KIRREL3: variants seen among roughly 807,000 people sequenced by gnomAD.
KIRREL3 encodes kirre like nephrin family adhesion molecule 3.
In KIRREL3, 36 loss-of-function variants were observed where a neutral mutation model predicts 89.7. That is an observed-to-expected ratio of 0.40 (90% CI 0.31 to 0.53). The LOEUF (loss-of-function observed/expected upper bound fraction) is 0.53, where lower values mean the gene tolerates loss of function less well. Among genes scored for constraint, KIRREL3 ranks in the 20% least tolerant of loss-of-function variants. The pLI is 0.49. For synonymous variants in KIRREL3, 445 were observed against 441.4 expected, an observed-to-expected ratio of 1.01 and a Z score of -0.10; for missense variants, 864 against 1,056.6, an observed-to-expected ratio of 0.82 and a Z score of 2.53.
In KIRREL3 at chr11:126,780,451, T is replaced by C. The variant is rs1015880795; in HGVS notation, c.56-217539A>G. Among the ~76,000 whole-genome samples the C allele has an allele frequency of 3.3e-5, 5 of 152,230 alleles. No individual in the cohort carries two copies. Among genetic ancestry groups the C allele is most frequent in the Admixed American group, 6.5e-5 (1 of 15,286 alleles). On this transcript the variant is annotated intron_variant, in intron 1 of 16. Coordinates refer to ENST00000525144, the MANE Select transcript of KIRREL3 (RefSeq NM_032531.4). The surrounding 1 kb of genome is among the most constrained non-coding windows in gnomAD (Gnocchi z 5.3). ...CATCCCTTCTATCTCACTTACCTGA[T>C]GTGGAACATATGCTGGGATCAGAAT...
intron 1 of KIRREL3, among the ~76,000 whole-genome samples, chr11:126,631,253 C>G (rs1313830536): frequency 3.3e-5 from 5 of 152,128 alleles, no homozygotes; most frequent in Non-Finnish European, 5.9e-5. Context: ...CTCTAGTGTT[C>G]ACTGTTACTG....
rs1943003679 is a variant in KIRREL3 at position 126,608,888 on chromosome 11, A to G, written c.56-45976T>C. Among the ~76,000 whole-genome samples the G allele has an allele frequency of 6.6e-6, 1 of 152,016 alleles. No individual in the cohort carries two copies. The highest frequency in any genetic ancestry group is 1.5e-5 in the Non-Finnish European group (1 of 68,018). On this transcript the variant is annotated intron_variant, in intron 1 of 16. Coordinates refer to ENST00000525144, the MANE Select transcript of KIRREL3 (RefSeq NM_032531.4). The surrounding 1 kb of genome is among the most constrained non-coding windows in gnomAD (Gnocchi z 4.9). ...TATGTCCAGGACAGGAGGGGAGGGG[A>G]TGGAGAAGCAGCTCTGGAGCCCAGC...
Position 126,754,586 on chromosome 11 carries a change from A to G in KIRREL3, c.56-191674T>C, listed in dbSNP as rs1489443015. On this transcript the variant is annotated intron_variant, in intron 1 of 16. Transcript: ENST00000525144. The surrounding 1 kb of genome is among the most constrained non-coding windows in gnomAD (Gnocchi z 5.1). Reference sequence around the variant, plus strand: ...GGGATCGTCTGCGAAGAAAGAATAGAGATACGAGATAAATTAAAGGGATCA... The same window carrying G: ...GGGATCGTCTGCGAAGAAAGAATAGGGATACGAGATAAATTAAAGGGATCA... 6.6e-6 allele frequency among the ~76,000 whole-genome samples: 1 copy of G among 151,984 alleles called. No homozygotes were observed. Among genetic ancestry groups the G allele is most frequent in the Non-Finnish European group, 1.5e-5 (1 of 68,006 alleles).
rs746680134 is a variant in KIRREL3 at position 126,710,935 on chromosome 11, G to A, written c.56-148023C>T. 2.6e-5 allele frequency among the ~76,000 whole-genome samples: 4 copies of A among 152,184 alleles called. No individual in the cohort carries two copies. Among genetic ancestry groups the A allele is most frequent in the Non-Finnish European group, 4.4e-5 (3 of 68,046 alleles). ...AACCTGATAGGCCTCTTCACAATGT[G>A]CAGGCTGTGATGAGGATGGTGGCTG... is the stretch of plus-strand genomic sequence containing the variant. On this transcript the variant is annotated intron_variant, in intron 1 of 16. Transcript: ENST00000525144. The surrounding 1 kb of genome is among the most constrained non-coding windows in gnomAD (Gnocchi z 4.2).
chr11:126,533,607 C>T (rs934098992), intron 2 of KIRREL3, among the ~76,000 whole-genome samples: 16 of 152,208 alleles, frequency 1.1e-4, no homozygotes, highest in Non-Finnish European at 2.2e-4. Context: ...CCTTGACCCT[C>T]ACAACCACAT....
rs1447708060 is a variant in KIRREL3 at position 126,996,514 on chromosome 11, T to C, written c.55+3941A>G. On this transcript the variant is annotated intron_variant, in intron 1 of 16. Transcript: ENST00000525144. This position sits in a 1 kb window ranked among gnomAD's most constrained non-coding sequence, Gnocchi z 4.7. ...CCTTGCTAGTTCAAGCCTCTTGAAG[T>C]GGCTCCTCCTTTTCCATGCTTCTTG... is the stretch of plus-strand genomic sequence containing the variant. Among the ~76,000 whole-genome samples, 1 of 152,200 alleles carries C rather than the reference T, an allele frequency of 6.6e-6. No individual in the cohort carries two copies. The highest frequency in any genetic ancestry group is 1.5e-5 in the Non-Finnish European group (1 of 68,048).
intron 1 of KIRREL3, among the ~76,000 whole-genome samples, chr11:126,863,969 T>C (rs1178878340): frequency 6.6e-6 from 1 of 152,224 alleles, no homozygotes; most frequent in Non-Finnish European, 1.5e-5. Context: ...GGCTACACCA[T>C]GTGTTAACCC....
chr11:126,847,122 A>G (rs1944173830), intron 1 of KIRREL3, among the ~76,000 whole-genome samples: 2 of 152,194 alleles, frequency 1.3e-5, no homozygotes, highest in South Asian at 4.1e-4. Context: ...TTTAACAGTA[A>G]TAGTATACCA....
intron 1 of KIRREL3, among the ~76,000 whole-genome samples, chr11:126,759,043 C>A (rs1286641451): frequency 6.6e-6 from 1 of 152,174 alleles, no homozygotes; most frequent in Non-Finnish European, 1.5e-5. Context: ...GTCATGTACA[C>A]CCCAGGGAGT....
intron 1 of KIRREL3, among the ~76,000 whole-genome samples, chr11:126,801,886 A>G (rs1951046778): frequency 6.6e-6 from 1 of 152,150 alleles, no homozygotes; most frequent in Non-Finnish European, 1.5e-5. Flanking sequence ...GGTGAACTCT[A>G]ACTGCACCAT....
rs942849946 is a variant in KIRREL3 at position 126,734,968 on chromosome 11, T to C, written c.56-172056A>G. The stretch of plus-strand genomic sequence containing the variant: ...TGGCTCCGACCAAGGGCAGGGTCAA[T>C]GTGCACTGCCTGCAGCAAGCATAGC... On this transcript the variant is annotated intron_variant, in intron 1 of 16. Coordinates refer to ENST00000525144, the MANE Select transcript of KIRREL3 (RefSeq NM_032531.4). This position sits in a 1 kb window ranked among gnomAD's most constrained non-coding sequence, Gnocchi z 5.9. 2.6e-5 allele frequency among the ~76,000 whole-genome samples: 4 copies of C among 152,176 alleles called. No homozygotes were observed. Among genetic ancestry groups the C allele is most frequent in the Non-Finnish European group, 5.9e-5 (4 of 68,028 alleles).
Position 126,463,396 on chromosome 11 carries a change from G to C in KIRREL3, c.592-89C>G. On this transcript the variant is annotated intron_variant, in intron 5 of 16. Coordinates refer to ENST00000525144, the MANE Select transcript of KIRREL3 (RefSeq NM_032531.4). The surrounding 1 kb of genome is among the most constrained non-coding windows in gnomAD (Gnocchi z 5.9). Reference sequence around the variant, plus strand: ...TTGGGGGTAAACGAGCACCAGCTTAGACAGAAGGGGGAGCTGTGGATGGAG... The same window carrying C: ...TTGGGGGTAAACGAGCACCAGCTTACACAGAAGGGGGAGCTGTGGATGGAG... 1.5e-6 allele frequency: 2 copies of C among 1,315,880 alleles called. No homozygotes were observed. The highest frequency in any genetic ancestry group is 2.1e-6 in the Non-Finnish European group (2 of 948,500). The allele number at this position is 1,315,880 out of a possible 1,614,324, so 81.5% of individuals were successfully genotyped here.
chr11:126,424,391 C>T lies in KIRREL3; in HGVS notation c.*189G>A, dbSNP rs1954846388. On this transcript the variant is annotated 3_prime_UTR_variant, in exon 17 of 17. Coordinates refer to ENST00000525144, the MANE Select transcript of KIRREL3 (RefSeq NM_032531.4). ...TGTCTCCCCACCCGCCCACCTCTGG[C>T]ACACAGCACCTGGGGACCCAGATTT... The T allele has an allele frequency of 2.2e-6, 1 of 455,122 alleles. No individual in the cohort carries two copies. The highest frequency in any genetic ancestry group is 4.1e-6 in the Non-Finnish European group (1 of 245,786). The allele number at this position is 455,122 out of a possible 1,614,324, so 28.2% of individuals were successfully genotyped here. A position where few individuals can be genotyped will look rare whatever the true frequency, so the allele number is the denominator to read the frequency against.
chr11:126,562,796 C>T lies in KIRREL3; in HGVS notation c.133+39G>A. 1.3e-6 allele frequency: 2 copies of T among 1,559,844 alleles called. No individual in the cohort carries two copies. Among genetic ancestry groups the T allele is most frequent in the Non-Finnish European group, 1.8e-6 (2 of 1,130,760 alleles). ...GGCTGTAGGGGAGAGCTTCCTCCCT[C>T]CAGATTACTCCCGAGACAATGGGGA... On this transcript the variant is annotated intron_variant, in intron 2 of 16. Coordinates refer to ENST00000525144, the MANE Select transcript of KIRREL3 (RefSeq NM_032531.4). The surrounding 1 kb of genome is among the most constrained non-coding windows in gnomAD (Gnocchi z 4.7).
In KIRREL3 at chr11:126,814,240, TA is replaced by T. The variant is rs1042529850; in HGVS notation, c.55+186214del. On this transcript the variant is annotated intron_variant, in intron 1 of 16. Coordinates refer to ENST00000525144, the MANE Select transcript of KIRREL3 (RefSeq NM_032531.4). The surrounding 1 kb of genome is among the most constrained non-coding windows in gnomAD (Gnocchi z 4.4). ...ATGCCAGGCAGAATGGCTTTTTTTT[TA>T]AAATTAAAAAGTCAAAAAGCAACAG... is the stretch of plus-strand genomic sequence containing the variant. Among the ~76,000 whole-genome samples the T allele has an allele frequency of 4.6e-4, 70 of 151,626 alleles. 1 individual carries two copies. The highest frequency in any genetic ancestry group is 1.5e-3 in the African/African-American group (62 of 41,370).
chr11:126,447,006 G>T, intron 8 of KIRREL3, 120 bp from the exon 9 acceptor site: 5 of 1,234,102 alleles, frequency 4.1e-6, no homozygotes, highest in Non-Finnish European at 5.6e-6. Context: ...TGGGGTACTT[G>T]TGCCACCTCA....
chr11:126,444,889 G>A (rs974011503), intron 10 of KIRREL3, 90 bp downstream of exon 10: 9 of 1,554,170 alleles, frequency 5.8e-6, no homozygotes, highest in East Asian at 2.3e-5. Context: ...CAGAGCCAGC[G>A]ACAGCTCCTT....
chr11:126,437,973 G>A lies in KIRREL3; in HGVS notation c.1354-964C>T, dbSNP rs1261929297. On this transcript the variant is annotated intron_variant, in intron 11 of 16. Transcript: ENST00000525144. ...ACACATGCCATGACACATGTACACG[G>A]TAACACACCCACACCACACATGTAC... 2.0e-5 allele frequency among the ~76,000 whole-genome samples: 3 copies of A among 152,096 alleles called. No individual in the cohort carries two copies. The East Asian group carries it at 5.8e-4, about 29-fold the overall frequency.
intron 1 of KIRREL3, among the ~76,000 whole-genome samples, chr11:126,759,402 A>T (rs1175295779): frequency 6.6e-6 from 1 of 152,256 alleles, no homozygotes; most frequent in Non-Finnish European, 1.5e-5. Flanking sequence ...TGCTGGGATT[A>T]CAGGCATAAG....
Sources: allele counts gnomAD v4.1 joint callset (sites outside exome capture counted in the v4.1 genomes callset), GRCh38; gene constraint gnomAD v4.1.1; non-coding constraint Gnocchi (gnomAD v3.1); transcripts MANE v1.5; gene names NCBI Gene and HGNC (gene_info 2026-07-23, HGNC 2026-07-21).